The following STPG2 variants were observed in gnomAD, a reference collection of about 807,000 sequenced individuals.
STPG2 encodes the protein sperm-tail PG-rich repeat-containing protein 2.
A neutral mutation model predicts 54.2 loss-of-function variants in STPG2; 56 were observed. That is an observed-to-expected ratio of 1.03 (90% confidence interval 0.83 to 1.29). The LOEUF (loss-of-function observed/expected upper bound fraction) is 1.29, where lower values mean the gene tolerates loss of function less well. STPG2 is among the 50% of genes most tolerant of loss of function. The probability of loss-of-function intolerance (pLI) is 0.00; values close to 1 mark genes in which losing one functional copy is unlikely to be tolerated. For missense variants in STPG2, 596 were observed against 544.9 expected (o/e 1.09, Z -0.93); for synonymous variants, 200 against 181.8 (o/e 1.10, Z -0.81).
At chr4:97,445,082 G>T (rs923826300) in intron 4 of STPG2, among the ~76,000 whole-genome samples, 29 of 152,064 alleles carry the variant, frequency 1.9e-4, no homozygotes, top group African/African-American at 7.0e-4. Flanking sequence ...ATCTATTGTG[G>T]AGTCAACAGA....
chr4:97,590,454 T>C (rs182188012), intron 10 of STPG2, among the ~76,000 whole-genome samples: 266 of 152,182 alleles, frequency 1.7e-3, no homozygotes, highest in African/African-American at 6.1e-3. Flanking sequence ...AACTGAAGCA[T>C]GATAACATCG....
chr4:97,973,177 G>A (rs1353337516), intron 6 of STPG2, among the ~76,000 whole-genome samples: 3 of 152,196 alleles, frequency 2.0e-5, no homozygotes, highest in Admixed American at 1.3e-4. Flanking sequence ...TGCTGACAGT[G>A]ATATGCACAA....
At chr4:98,130,227 G>C (rs4699326) in intron 2 of STPG2, among the ~76,000 whole-genome samples, 59,843 of 151,386 alleles carry the variant, frequency 0.4, 12,047 homozygotes, top group Middle Eastern at 0.46. Flanking sequence ...CCAGGCTGGA[G>C]TACAGTGGCA....
intron 5 of STPG2, among the ~76,000 whole-genome samples, chr4:98,054,748 A>G (rs1351197283): frequency 6.6e-6 from 1 of 152,186 alleles, no homozygotes; most frequent in Non-Finnish European, 1.5e-5. Context: ...GATTTGATGC[A>G]ATTTTCCTTT....
intron 5 of STPG2, among the ~76,000 whole-genome samples, chr4:98,059,740 G>C (rs1321714117): frequency 2.0e-5 from 3 of 151,662 alleles, no homozygotes; most frequent in Non-Finnish European, 4.4e-5. Context: ...TCATCCCCAG[G>C]ATGCAAGGTT....
At chr4:97,608,620 C>T (rs1350219784) in intron 10 of STPG2, among the ~76,000 whole-genome samples, 2 of 151,982 alleles carry the variant, frequency 1.3e-5, no homozygotes, top group African/African-American at 4.8e-5. Context: ...TAATTGAGAA[C>T]ACTGACCAGA....
At chr4:97,480,611 T>G (rs1233478845) in intron 4 of STPG2, among the ~76,000 whole-genome samples, 1 of 151,604 alleles carries the variant, frequency 6.6e-6, no homozygotes, top group African/African-American at 2.4e-5. Flanking sequence ...ACTGGATATT[T>G]TCTTTTTAAT....
At chr4:97,564,733 C>A (rs1430726914) in intron 10 of STPG2, among the ~76,000 whole-genome samples, 2 of 152,152 alleles carry the variant, frequency 1.3e-5, no homozygotes, top group Non-Finnish European at 2.9e-5. Context: ...GTTGAAAATT[C>A]TTTTCTTTAA....
At chr4:97,822,003 C>T (rs1464980752) in intron 9 of STPG2, among the ~76,000 whole-genome samples, 2 of 152,172 alleles carry the variant, frequency 1.3e-5, no homozygotes, top group African/African-American at 4.8e-5. Context: ...GCTCCATAGC[C>T]CCTCTGAATT....
intron 8 of STPG2, among the ~76,000 whole-genome samples, chr4:97,894,229 A>T (rs565549727): frequency 6.6e-6 from 1 of 152,082 alleles, no homozygotes; most frequent in South Asian, 2.1e-4. Flanking sequence ...TTTGTAATAC[A>T]GGTGACTCAT....
rs1727996939 is a variant in STPG2, at chr4:97,818,876, C to T, written c.1204+21897G>A. 2.0e-5 allele frequency among the ~76,000 whole-genome samples: 3 copies of T among 149,948 alleles called. No homozygotes were observed. In the South Asian group the frequency reaches 6.3e-4, roughly 31 times the overall value. On this transcript the variant is annotated intron_variant, in intron 9 of 10. Coordinates refer to ENST00000295268, the MANE Select transcript of STPG2 (RefSeq NM_174952.3). Reference sequence around the variant, plus strand: ...TTTTATCTATAATATATGCTTCTTACCAAATATAATCATTCTCAAATTATG... The same window carrying T: ...TTTTATCTATAATATATGCTTCTTATCAAATATAATCATTCTCAAATTATG...
intron 8 of STPG2, among the ~76,000 whole-genome samples, chr4:97,860,275 T>C (rs540416359): frequency 3.9e-4 from 60 of 152,232 alleles, no homozygotes; most frequent in African/African-American, 1.4e-3. Flanking sequence ...ATCATGATGG[T>C]ACTTTTATGG....
intron 5 of STPG2, among the ~76,000 whole-genome samples, chr4:98,093,981 C>CA (rs1738768528): frequency 6.6e-6 from 1 of 152,130 alleles, no homozygotes. Context: ...CAGTCTAGGA[C>CA]AGAAGGACTG....
chr4:97,937,894 A>C (rs1732807850), intron 8 of STPG2, among the ~76,000 whole-genome samples: 1 of 152,116 alleles, frequency 6.6e-6, no homozygotes, highest in Admixed American at 6.5e-5. Context: ...CATTTAACGA[A>C]GCCCTTTGGC....
At chr4:97,856,020 T>C (rs933979279) in intron 8 of STPG2, among the ~76,000 whole-genome samples, 5 of 152,240 alleles carry the variant, frequency 3.3e-5, no homozygotes, top group Middle Eastern at 3.4e-3. Context: ...GTTCTATTCA[T>C]CTGTGTGTCC....
intron 8 of STPG2, among the ~76,000 whole-genome samples, chr4:97,943,059 G>A (rs1196104400): frequency 6.6e-6 from 1 of 152,132 alleles, no homozygotes; most frequent in East Asian, 1.9e-4. Context: ...CAAGGCACAA[G>A]CAGACTCAGT....
rs1353622260 is a variant in STPG2, at chr4:97,968,624, G to C, written c.933+3656C>G. Reference sequence around the variant, plus strand: ...GGCTTCATCCCTGAGATGCAAGGCTGGTTCAACATATGCAAATCAGTAAAC... The same window carrying C: ...GGCTTCATCCCTGAGATGCAAGGCTCGTTCAACATATGCAAATCAGTAAAC... On this transcript the variant is annotated intron_variant, in intron 7 of 10. Transcript: ENST00000295268. 2.6e-5 allele frequency among the ~76,000 whole-genome samples: 4 copies of C among 152,208 alleles called. No homozygotes were observed. The East Asian group carries it at 7.7e-4, about 29-fold the overall frequency.
At chr4:97,561,508 A>G (rs1022026730) in intron 10 of STPG2, among the ~76,000 whole-genome samples, 15 of 152,208 alleles carry the variant, frequency 9.9e-5, no homozygotes, top group Non-Finnish European at 2.1e-4. Context: ...TGTTTTAGAC[A>G]TGAAGTCCTT....
intron 9 of STPG2, among the ~76,000 whole-genome samples, chr4:97,826,490 C>A (rs1413532928): frequency 6.6e-6 from 1 of 152,014 alleles, no homozygotes; most frequent in Non-Finnish European, 1.5e-5. Flanking sequence ...AATAAAAGCA[C>A]AACAAGTGTT....
Sources: gnomAD v4.1 joint callset for allele counts (sites outside exome capture counted in the v4.1 genomes callset) on GRCh38, gnomAD v4.1.1 for gene constraint, MANE v1.5 for transcripts, NCBI Gene and HGNC (gene_info 2026-07-23, HGNC 2026-07-21) for gene names.